C10orf67: variants seen among roughly 807,000 people sequenced by gnomAD.
C10orf67 encodes uncharacterized protein C10orf67, mitochondrial.
In C10orf67, 60 loss-of-function variants were observed where a neutral mutation model predicts 35.6. The observed-to-expected ratio is 1.68, with a 90% CI of 1.37 to 2.09. The LOEUF is 2.09. C10orf67 is among the 30% of genes most tolerant of loss of function. C10orf67 has a pLI of 0.00. For synonymous variants in C10orf67, 167 were observed against 115.8 expected (o/e 1.44, Z -2.84); for missense variants, 474 against 330.2 (o/e 1.44, Z -3.38).
intron 13 of C10orf67, among the ~76,000 whole-genome samples, chr10:23,236,012 G>A (rs1320786594): frequency 6.6e-6 from 1 of 152,002 alleles, no homozygotes; most frequent in East Asian, 1.9e-4. Context: ...ACTTTGGGAG[G>A]CCGAGGCGGG....
intron 4 of C10orf67, among the ~76,000 whole-genome samples, chr10:23,314,998 T>A (rs1458072334): frequency 1.3e-5 from 2 of 152,228 alleles, no homozygotes; most frequent in Admixed American, 6.5e-5. Context: ...TTTATACTTG[T>A]CAATCTACAA....
At chr10:23,334,946 C>T (rs1330134939) in intron 1 of C10orf67, among the ~76,000 whole-genome samples, 1 of 152,060 alleles carries the variant, frequency 6.6e-6, no homozygotes, top group Non-Finnish European at 1.5e-5. Flanking sequence ...CTCAGCACTT[C>T]GGGAGGCCAA....
chr10:23,235,931 A>G (rs1291947994), intron 13 of C10orf67, among the ~76,000 whole-genome samples: 2 of 152,090 alleles, frequency 1.3e-5, no homozygotes, highest in African/African-American at 2.4e-5. Flanking sequence ...CCTGGCCAAC[A>G]TGGTGAAATC....
At chr10:23,265,919 C>T (rs1395891489) in intron 10 of C10orf67, among the ~76,000 whole-genome samples, 6 of 152,158 alleles carry the variant, frequency 3.9e-5, no homozygotes, top group Non-Finnish European at 8.8e-5. Context: ...GTGTCCTTCC[C>T]GGAATCTTCT....
chr10:23,286,378 G>A (rs1021580216), intron 7 of C10orf67, among the ~76,000 whole-genome samples: 1 of 108,230 alleles, frequency 9.2e-6, no homozygotes, highest in South Asian at 4.1e-4. Context: ...TAGCCTTAGG[G>A]ACAGAGTGAG....
intron 13 of C10orf67, among the ~76,000 whole-genome samples, chr10:23,238,227 G>A (rs1210787248): frequency 1.3e-5 from 2 of 152,208 alleles, no homozygotes; most frequent in African/African-American, 4.8e-5. Flanking sequence ...TGAATGACTA[G>A]AGAGAGGGAA....
intron 2 of C10orf67, 145 bp from the exon 3 acceptor site, chr10:23,322,682 G>A (rs973324611): frequency 1.5e-5 from 9 of 581,430 alleles, no homozygotes; most frequent in Admixed American, 1.3e-4. Context: ...GCCTACTTAC[G>A]GTGGTGAGCG....
intron 15 of C10orf67, among the ~76,000 whole-genome samples, chr10:23,206,570 A>G (rs974029264): frequency 5.9e-5 from 9 of 152,188 alleles, no homozygotes; most frequent in Non-Finnish European, 1.0e-4. Flanking sequence ...CAGAATTTCC[A>G]TTGTTAGGGT....
chr10:23,220,227 G>C, intron 15 of C10orf67, among the ~76,000 whole-genome samples: 1 of 152,140 alleles, frequency 6.6e-6, no homozygotes, highest in East Asian at 1.9e-4. Flanking sequence ...CTACTGTTTA[G>C]GGCATCATTG....
At chr10:23,307,767 C>T (rs1844343743) in intron 4 of C10orf67, among the ~76,000 whole-genome samples, 2 of 152,020 alleles carry the variant, frequency 1.3e-5, no homozygotes, top group Non-Finnish European at 1.5e-5. Context: ...CAGGCACATA[C>T]CACCATGCCT....
intron 8 of C10orf67, among the ~76,000 whole-genome samples, chr10:23,276,654 C>T (rs2132224686): frequency 6.6e-6 from 1 of 152,228 alleles, no homozygotes. Context: ...CTGCACCACA[C>T]ATTCTAGAGG....
Position 23,264,107 on chromosome 10 carries a change from A to C in C10orf67, c.1200+2155T>G, listed in dbSNP as rs546543145. 2.6e-5 allele frequency among the ~76,000 whole-genome samples: 4 copies of C among 152,338 alleles called. No homozygotes were observed. In the South Asian group the frequency reaches 8.3e-4, roughly 32 times the overall value. On this transcript the variant is annotated intron_variant, in intron 10 of 15. Coordinates refer to ENST00000636213, the MANE Select transcript of C10orf67 (RefSeq NM_001371909.1). ...TCATTTACACGTGGTAAACGTTATA[A>C]AACCCTTTAAAGACAATTTTTAAGA...
intron 13 of C10orf67, among the ~76,000 whole-genome samples, chr10:23,238,493 G>T (rs1270713716): frequency 6.6e-6 from 1 of 152,198 alleles, no homozygotes; most frequent in East Asian, 1.9e-4. Context: ...ATGGCCACTT[G>T]AGGGCAGGGC....
rs544289243 is a variant in C10orf67, at chr10:23,281,141, A to G, written c.975+872T>C. On this transcript the variant is annotated intron_variant, in intron 8 of 15. Coordinates refer to ENST00000636213, the MANE Select transcript of C10orf67 (RefSeq NM_001371909.1). ...ATTTTTTTCGTTGCCTGCATTCCCAAGTTGGTTTCGTAGAAGGCTTTATTG... is the reference window on the plus strand; with the variant it reads ...ATTTTTTTCGTTGCCTGCATTCCCAGGTTGGTTTCGTAGAAGGCTTTATTG... Among the ~76,000 whole-genome samples the G allele has an allele frequency of 2.6e-5, 4 of 152,294 alleles. No individual in the cohort carries two copies. The East Asian group carries it at 5.8e-4, about 22-fold the overall frequency.
chr10:23,299,458 G>C (rs549584789), intron 5 of C10orf67, among the ~76,000 whole-genome samples: 1 of 152,200 alleles, frequency 6.6e-6, no homozygotes, highest in East Asian at 1.9e-4. Flanking sequence ...CAACAAATGG[G>C]GTGTTCCTTC....
At chr10:23,223,453 T>C (rs1212827103) in intron 15 of C10orf67, 145 bp downstream of exon 15, 1 of 644,460 alleles carries the variant, frequency 1.6e-6, no homozygotes. Flanking sequence ...AGTTTATCTG[T>C]GCAATAATTT....
chr10:23,266,986 C>T (rs764175449), intron 9 of C10orf67, among the ~76,000 whole-genome samples: 52 of 152,262 alleles, frequency 3.4e-4, no homozygotes, highest in Non-Finnish European at 3.7e-4. Context: ...CTCAAGCAAT[C>T]CTCCTGCCTC....
intron 8 of C10orf67, among the ~76,000 whole-genome samples, chr10:23,274,004 T>C (rs1376119364): frequency 1.3e-5 from 2 of 152,146 alleles, no homozygotes; most frequent in Admixed American, 6.5e-5. Context: ...AGAAATTTTA[T>C]AGCTGGGCCT....
chr10:23,265,243 G>A (rs11013357), intron 10 of C10orf67, among the ~76,000 whole-genome samples: 8,301 of 152,270 alleles, frequency 0.055, 731 homozygotes, highest in African/African-American at 0.19. Context: ...CTGTGGATAT[G>A]AGGAGTGGTC....
Sources: gnomAD v4.1 joint callset for allele counts (sites outside exome capture counted in the v4.1 genomes callset) on GRCh38, gnomAD v4.1.1 for gene constraint, MANE v1.5 for transcripts, NCBI Gene and HGNC (gene_info 2026-07-23, HGNC 2026-07-21) for gene names.